The following PPOX variants were observed in gnomAD, a reference collection of about 807,000 sequenced individuals.
PPOX encodes the protein protoporphyrinogen oxidase.
Under a neutral mutation model 54.1 loss-of-function variants are expected in PPOX, and 23 were observed. The ratio of observed to expected loss-of-function variants is 0.43; its 90% CI spans 0.31 to 0.60. The LOEUF is 0.60. Among genes scored for constraint, PPOX ranks in the 20% least tolerant of loss-of-function variants. The probability of loss-of-function intolerance (pLI) is 0.13; values close to 1 mark genes in which losing one functional copy is unlikely to be tolerated. For missense variants in PPOX, 512 were observed against 601.1 expected (o/e 0.85, Z 1.55); for synonymous variants, 224 against 236.1 (o/e 0.95, Z 0.47).
At chr1:161,177,420 T>G (rs1043217337), downstream of PPOX, 1 of 205,310 alleles carries the variant, frequency 4.9e-6, no homozygotes, top group Admixed American at 5.6e-5. Context: ...CCAGCGCACA[T>G]ACCTGGTCTT....
intron 9 of PPOX, 88 bp from the exon 10 acceptor site, chr1:161,170,321 T>TTCCCCCCCCCCCCC: frequency 2.7e-6 from 1 of 367,768 alleles, no homozygotes; most frequent in Non-Finnish European, 5.3e-6. Context: ...TGAGACTCTG[T>TTCCCCCCCCCCCCC]CCCCCCCACC....
In PPOX at chr1:161,167,503, C is replaced by T. The variant is rs1659402714; in HGVS notation, c.338+17C>T. On this transcript the variant is annotated intron_variant, in intron 4 of 12. Coordinates refer to ENST00000367999, the MANE Select transcript of PPOX (RefSeq NM_001122764.3). Reference sequence around the variant, plus strand: ...TGGCCTCAGGTAACACCAGCACCTCCGCTCCTTTTACTGTGCCCTCATCCT... The same window carrying T: ...TGGCCTCAGGTAACACCAGCACCTCTGCTCCTTTTACTGTGCCCTCATCCT... The T allele has an allele frequency of 1.9e-6, 3 of 1,610,230 alleles. No homozygotes were observed. Among genetic ancestry groups the T allele is most frequent in the South Asian group, 1.1e-5 (1 of 90,826 alleles).
At chr1:161,175,812 G>A (rs1317454295), downstream of PPOX, 14 of 1,613,900 alleles carry the variant, frequency 8.7e-6, no homozygotes, top group Non-Finnish European at 1.1e-5. Flanking sequence ...ACTTACCTAA[G>A]AGAGGAGATC....
At chr1:161,175,314 G>C, downstream of PPOX, 1 of 1,211,386 alleles carries the variant, frequency 8.3e-7, no homozygotes, top group Non-Finnish European at 1.2e-6. Flanking sequence ...TCTGACACTG[G>C]CAGTCTGGTT....
intron 12 of PPOX, 30 bp downstream of exon 12, chr1:161,170,979 G>C (rs769130348): frequency 4.3e-6 from 7 of 1,614,022 alleles, no homozygotes; most frequent in African/African-American, 4.0e-5. Flanking sequence ...GGGCTGAGGA[G>C]GGCCAAGGAC....
downstream of PPOX, chr1:161,172,109 G>A (rs765636658): frequency 1.2e-5 from 19 of 1,612,832 alleles, no homozygotes; most frequent in Non-Finnish European, 1.6e-5. Flanking sequence ...AGAGGTTGGA[G>A]ACTAAGACCC....
intron 4 of PPOX, chr1:161,176,400 T>C (rs1184480412): frequency 2.4e-6 from 1 of 415,004 alleles, no homozygotes; most frequent in East Asian, 4.5e-5. Flanking sequence ...GAGAACCCCC[T>C]CTTCCAATTT....
At chr1:161,176,268 C>A in intron 4 of PPOX, 1 of 658,522 alleles carries the variant, frequency 1.5e-6, no homozygotes, top group Non-Finnish European at 2.5e-6. Flanking sequence ...CCACCTGTCA[C>A]TTCAGCCCAA....
rs532136485 is a variant in PPOX at position 161,168,017 on chromosome 1, C to T, written c.361C>T (p.Pro121Ser). ...GLRGLLRPSPPFSKPLFWAGL... is the reference protein window; with the variant it reads ...GLRGLLRPSPSFSKPLFWAGL... ...CAGGGGGCTACTCCGCCCTTCACCC[C>T]CCTTCTCCAAACCTCTGTTTTGGGC... is the stretch of plus-strand genomic sequence containing the variant. The change falls in exon 5 of 13, where the codon CCC becomes TCC. Residue 121 changes from proline (P) to serine (S), a missense_variant. Transcript: ENST00000367999. 2.5e-6 allele frequency: 4 copies of T among 1,614,182 alleles called. No individual in the cohort carries two copies. The East Asian group carries it at 6.7e-5, about 27-fold the overall frequency.
intron 4 of PPOX, chr1:161,176,839 T>C: frequency 6.5e-7 from 1 of 1,534,286 alleles, no homozygotes; most frequent in Non-Finnish European, 8.7e-7. Context: ...GAAACATTGT[T>C]TTCCCCCAGA....
intron 4 of PPOX, 34 bp downstream of exon 4, chr1:161,167,520 C>T (rs747309288): frequency 3.2e-6 from 5 of 1,584,570 alleles, no homozygotes; most frequent in Admixed American, 1.7e-5. Flanking sequence ...TTTACTGTGC[C>T]CTCATCCTCA....
downstream of PPOX, chr1:161,171,501 T>C (rs1661418707): frequency 5.2e-6 from 3 of 578,358 alleles, no homozygotes; most frequent in Non-Finnish European, 9.1e-6. Context: ...CACTCTTCTC[T>C]CCATGGAAGA....
Position 161,170,614 on chromosome 1 carries a change from C to T in PPOX, c.1099-6C>T. The T allele has an allele frequency of 1.2e-6, 2 of 1,614,168 alleles. No homozygotes were observed. The highest frequency in any genetic ancestry group is 1.7e-6 in the Non-Finnish European group (2 of 1,180,032). On this transcript the variant is annotated splice_region_variant and splice_polypyrimidine_tract_variant and intron_variant, in intron 10 of 12. Transcript: ENST00000367999. ...CAGACTGATCAGTGCTATATTCCCT[C>T]CTTAGGTGATGCTGGGAGGTTCCTG... is the stretch of plus-strand genomic sequence containing the variant.
chr1:161,176,712 G>A, intron 4 of PPOX: 2 of 677,090 alleles, frequency 3.0e-6, no homozygotes, highest in South Asian at 3.8e-5. Flanking sequence ...GAGATGGTAG[G>A]TCCCTCGCCT....
chr1:161,173,748 G>C, downstream of PPOX: 1 of 1,613,994 alleles, frequency 6.2e-7, no homozygotes, highest in South Asian at 1.1e-5. Flanking sequence ...AAAGATCCTT[G>C]CATACCCCGA....
At chr1:161,168,726 C>G (rs1255119115) in intron 6 of PPOX, 150 bp downstream of exon 6, 1 of 1,144,140 alleles carries the variant, frequency 8.7e-7, no homozygotes, top group Non-Finnish European at 1.2e-6. Context: ...GGTGCAATCT[C>G]AGATCGGCTC....
rs768663089 is a variant in PPOX, at chr1:161,168,414, C to G, written c.472-18C>G. ...GTAGATTATTTTTTCGCTCCTTAGT[C>G]CTAGTCTCACCCTTAAGGTGGCGTC... On this transcript the variant is annotated intron_variant, in intron 5 of 12. Coordinates refer to ENST00000367999, the MANE Select transcript of PPOX (RefSeq NM_001122764.3). 4.3e-6 allele frequency: 7 copies of G among 1,613,310 alleles called. No homozygotes were observed. The highest frequency in any genetic ancestry group is 5.1e-6 in the Non-Finnish European group (6 of 1,179,730).
upstream of PPOX, chr1:161,166,082 C>T: frequency 1.0e-6 from 1 of 985,214 alleles, no homozygotes; most frequent in Non-Finnish European, 1.2e-6. Context: ...AGCCGCCTCC[C>T]CGTGGACTGG....
At chr1:161,174,971 A>G, downstream of PPOX, 1 of 1,608,840 alleles carries the variant, frequency 6.2e-7, no homozygotes, top group Non-Finnish European at 8.5e-7. Flanking sequence ...GTCAGTCAAA[A>G]TGAGGTGGAG....
Sources: gnomAD v4.1 joint callset for allele counts on GRCh38, gnomAD v4.1.1 for gene constraint, MANE v1.5 for transcripts, NCBI Gene and HGNC (gene_info 2026-07-23, HGNC 2026-07-21) for gene names.